The following PCDH12 variants were observed in gnomAD, a reference collection of about 807,000 sequenced individuals.
PCDH12 encodes protocadherin 12, also known as protocadherin-12.
PCDH12 carries 45 observed loss-of-function variants against 70.9 expected under a neutral mutation model. The observed-to-expected ratio is 0.63, with a 90% CI of 0.50 to 0.81. PCDH12 has a LOEUF of 0.81. Ranked by LOEUF, PCDH12 falls within the 40% of genes least tolerant of loss-of-function variation. The pLI is 0.00. For missense variants in PCDH12, 1,370 were observed against 1,491.7 expected, an observed-to-expected ratio of 0.92 and a Z score of 1.34; for synonymous variants, 567 against 626.0, an observed-to-expected ratio of 0.91 and a Z score of 1.41.
Position 141,944,583 on chromosome 5 carries a change from C to G in PCDH12, c.*798G>C, listed in dbSNP as rs1048692593. 1.3e-5 allele frequency: 2 copies of G among 152,160 alleles called. No individual in the cohort carries two copies. The highest frequency in any genetic ancestry group is 4.8e-5 in the African/African-American group (2 of 41,428). The allele number at this position is 152,160 out of a possible 1,614,324, so 9.4% of individuals were successfully genotyped here. On this transcript the variant is annotated 3_prime_UTR_variant, in exon 4 of 4. Coordinates refer to ENST00000231484, the MANE Select transcript of PCDH12 (RefSeq NM_016580.4). The stretch of plus-strand genomic sequence containing the variant: ...GCTCTGGCTCTACTCCCTGCTTGAT[C>G]TTGGGAAAGCCACTTGACCTCTCCA...
Position 141,956,937 on chromosome 5 carries a change from A to T in PCDH12, c.915T>A (p.Ile305=). The change falls in exon 1 of 4, where the codon ATT becomes ATA. Residue 305 remains isoleucine (I), a synonymous_variant. Coordinates refer to ENST00000231484, the MANE Select transcript of PCDH12 (RefSeq NM_016580.4). ...FSIDAKTGQV[I]LRRPLDYEKN... is the part of the protein sequence containing the mutation. The stretch of plus-strand genomic sequence containing the variant: ...TTTCATAGTCTAGAGGTCGACGCAG[A>T]ATGACCTGGCCTGTCTTGGCATCAA... The T allele has an allele frequency of 6.2e-7, 1 of 1,614,132 alleles. No homozygotes were observed. The highest frequency in any genetic ancestry group is 8.5e-7 in the Non-Finnish European group (1 of 1,180,018).
Position 141,947,857 on chromosome 5 carries a change from AC to A in PCDH12, c.3130+1574del, listed in dbSNP as rs1461988311. Among the ~76,000 whole-genome samples the A allele has an allele frequency of 2.0e-5, 3 of 151,302 alleles. No individual in the cohort carries two copies. In the East Asian group the frequency reaches 5.8e-4, roughly 29 times the overall value. The stretch of plus-strand genomic sequence containing the variant: ...TGCCCCTCCTCTTTCCTTACCCCCA[AC>A]TCCTTACAGTGCCCCTGTGTTCAGT... On this transcript the variant is annotated intron_variant, in intron 3 of 3. Coordinates refer to ENST00000231484, the MANE Select transcript of PCDH12 (RefSeq NM_016580.4).
chr5:141,957,343 T>G lies in PCDH12; in HGVS notation c.509A>C (p.His170Pro). 6.2e-7 allele frequency: 1 copy of G among 1,613,672 alleles called. No individual in the cohort carries two copies. The highest frequency in any genetic ancestry group is 8.5e-7 in the Non-Finnish European group (1 of 1,179,796). ...CTCACTGGGAGACAGAGTGTAGGTG[T>G]GCAGGGTGTTAGGGCCTGTGTCTGG... ...LDPDTGPNTL[H>P]TYTLSPSEHF... Residue 170 changes from histidine to proline, a missense_variant, in exon 1 of 4, where the codon CAC (histidine) becomes CCC (proline). Coordinates refer to ENST00000231484, the MANE Select transcript of PCDH12 (RefSeq NM_016580.4). This position sits in a 1 kb window ranked among gnomAD's most constrained non-coding sequence, Gnocchi z 4.3.
chr5:141,957,291 G>A lies in PCDH12; in HGVS notation c.561C>T (p.Gly187=). 1 of 1,613,484 alleles carries A rather than the reference G, an allele frequency of 6.2e-7. No homozygotes were observed. The highest frequency in any genetic ancestry group is 8.5e-7 in the Non-Finnish European group (1 of 1,179,676). The stretch of plus-strand genomic sequence containing the variant: ...GTTCTGCATGTTTGGTCTCATCAGG[G>A]CCCACAATGACATCCAAGGCAAAGT... The part of the protein sequence containing the change: ...SEHFALDVIV[G]PDETKHAELI... The change falls in exon 1 of 4, where the codon GGC becomes GGT. Residue 187 remains glycine (G), a synonymous_variant. Transcript: ENST00000231484. This position sits in a 1 kb window ranked among gnomAD's most constrained non-coding sequence, Gnocchi z 4.3.
chr5:141,954,570 G>A (rs1178844931), intron 1 of PCDH12, among the ~76,000 whole-genome samples: 1 of 152,226 alleles, frequency 6.6e-6, no homozygotes, highest in Non-Finnish European at 1.5e-5. Flanking sequence ...GAGCTAGGAA[G>A]AAGTGGAGCC....
chr5:141,955,147 C>T lies in PCDH12; in HGVS notation c.2705G>A (p.Arg902Lys). 6.2e-7 allele frequency: 1 copy of T among 1,614,206 alleles called. No individual in the cohort carries two copies. The highest frequency in any genetic ancestry group is 8.5e-7 in the Non-Finnish European group (1 of 1,180,034). The change falls in exon 1 of 4, where the codon AGG (arginine) becomes AAG (lysine). Residue 902 changes from arginine (R) to lysine (K), a missense_variant. Coordinates refer to ENST00000231484, the MANE Select transcript of PCDH12 (RefSeq NM_016580.4). The surrounding 1 kb of genome is among the most constrained non-coding windows in gnomAD (Gnocchi z 5.5). Reference sequence around the variant, plus strand: ...CAGGGTTGCAGAGGAGGCTGGTGGCCTCTGTGGGGCTTCCTCACTGCCCTG... The same window carrying T: ...CAGGGTTGCAGAGGAGGCTGGTGGCTTCTGTGGGGCTTCCTCACTGCCCTG... ...GDQGSEEAPQ[R>K]PPASSATLRR...
rs759067548 is a variant in PCDH12, at chr5:141,955,014, C to A, written c.2838G>T (p.Arg946=). 1.9e-6 allele frequency: 3 copies of A among 1,614,030 alleles called. No individual in the cohort carries two copies. The highest frequency in any genetic ancestry group is 2.7e-5 in the African/African-American group (2 of 74,950). The change falls in exon 1 of 4, where the codon CGG becomes CGT. Residue 946 remains arginine, a synonymous_variant. Coordinates refer to ENST00000231484, the MANE Select transcript of PCDH12 (RefSeq NM_016580.4). The surrounding 1 kb of genome is among the most constrained non-coding windows in gnomAD (Gnocchi z 5.5). ...CCACAGTGAGCTCCTCCACGGGGTT[C>A]CGCTCGGCGAAGGCAGCCACAGACA... ...VRLSVAAFAE[R]NPVEELTVDS... is the part of the protein sequence containing the mutation.
chr5:141,955,712 T>C lies in PCDH12; in HGVS notation c.2140A>G (p.Met714Val). The C allele has an allele frequency of 6.2e-7, 1 of 1,614,086 alleles. No homozygotes were observed. Among genetic ancestry groups the C allele is most frequent in the Non-Finnish European group, 8.5e-7 (1 of 1,179,994 alleles). ...DSARKPGALSMSMLTVICLAV... is the reference protein window; with the variant it reads ...DSARKPGALSVSMLTVICLAV... The stretch of plus-strand genomic sequence containing the variant: ...AGGCAGATCACCGTCAGCATCGACA[T>C]GCTCAAGGCCCCAGGCTTGCGGGCT... The change falls in exon 1 of 4, where the codon ATG (methionine) becomes GTG (valine). Residue 714 changes from methionine (M) to valine (V), a missense_variant. Transcript: ENST00000231484. The surrounding 1 kb of genome is among the most constrained non-coding windows in gnomAD (Gnocchi z 5.5).
intron 1 of PCDH12, among the ~76,000 whole-genome samples, chr5:141,952,108 G>T (rs1753095617): frequency 6.6e-6 from 1 of 152,144 alleles, no homozygotes; most frequent in Non-Finnish European, 1.5e-5. Flanking sequence ...TGCCAGGCAG[G>T]GTGGTTGCTA....
chr5:141,956,833 A>G lies in PCDH12; in HGVS notation c.1019T>C (p.Ile340Thr). ...NPIPAHCKVL[I>T]KVLDVNDNIP... is the part of the protein sequence containing the mutation. ...GTTGTCATTGACATCCAGAACCTTGATGAGAACTTTGCAATGGGCTGGGAT... is the reference window on the plus strand; with the variant it reads ...GTTGTCATTGACATCCAGAACCTTGGTGAGAACTTTGCAATGGGCTGGGAT... Residue 340 changes from isoleucine (I) to threonine (T), a missense_variant, in exon 1 of 4, where the codon ATC becomes ACC. By Grantham distance (89) the Ile-to-Thr change is moderately conservative. Transcript: ENST00000231484. 1.2e-6 allele frequency: 2 copies of G among 1,614,234 alleles called. No individual in the cohort carries two copies. Among genetic ancestry groups the G allele is most frequent in the South Asian group, 2.2e-5 (2 of 91,086 alleles).
chr5:141,951,346 G>T, intron 2 of PCDH12, 147 bp downstream of exon 2: 1 of 643,014 alleles, frequency 1.6e-6, no homozygotes, highest in East Asian at 2.7e-5. Flanking sequence ...AAAACTCCCA[G>T]GGTGGGAGGA....
At position 141,957,846 on chromosome 5, in the gene PCDH12, C is replaced by G; in HGVS notation, c.6G>C (p.Met2Ile). The G allele has an allele frequency of 1.3e-6, 2 of 1,597,446 alleles. No individual in the cohort carries two copies. The highest frequency in any genetic ancestry group is 2.2e-5 in the South Asian group (2 of 90,888). Reference protein sequence around the residue: MMQLLQLLLGLL... With the variant: MIQLLQLLLGLL... ...GCCCCAGCAGAAGTTGCAGAAGTTGCATCATGCTTACCGCCAAGTGGGCTA... is the reference window on the plus strand; with the variant it reads ...GCCCCAGCAGAAGTTGCAGAAGTTGGATCATGCTTACCGCCAAGTGGGCTA... Residue 2 changes from methionine to isoleucine, a missense_variant, in exon 1 of 4, where the codon ATG (methionine) becomes ATC (isoleucine). Transcript: ENST00000231484. This position sits in a 1 kb window ranked among gnomAD's most constrained non-coding sequence, Gnocchi z 4.3.
chr5:141,957,675 C>A lies in PCDH12; in HGVS notation c.177G>T (p.Arg59=), dbSNP rs1314027040. ...CCTGGAAGGCAGCCCCAGCTTGCCT[C>A]CGCCTCTCCTCCCGGCCCAGTTCCT... The part of the protein sequence containing the change: ...LSQELGREER[R]RQAGAAFQVL... The change falls in exon 1 of 4, where the codon CGG becomes CGT. Residue 59 remains arginine, a synonymous_variant. Transcript: ENST00000231484. The surrounding 1 kb of genome is among the most constrained non-coding windows in gnomAD (Gnocchi z 4.3). 9 of 1,614,084 alleles carry A rather than the reference C, an allele frequency of 5.6e-6. No homozygotes were observed. The highest frequency in any genetic ancestry group is 6.8e-6 in the Non-Finnish European group (8 of 1,180,038).
intron 2 of PCDH12, among the ~76,000 whole-genome samples, chr5:141,951,124 T>C (rs1483888052): frequency 6.6e-6 from 1 of 152,178 alleles, no homozygotes; most frequent in East Asian, 1.9e-4. Context: ...TGGGGAGCCT[T>C]CATATTATGT....
rs1752881448 is a variant in PCDH12 at position 141,945,370 on chromosome 5, C to CT, written c.*10dup. 1 of 1,598,338 alleles carries CT rather than the reference C, an allele frequency of 6.3e-7. No individual in the cohort carries two copies. Among genetic ancestry groups the CT allele is most frequent in the African/African-American group, 1.3e-5 (1 of 74,166 alleles). On this transcript the variant is annotated 3_prime_UTR_variant, in exon 4 of 4. Transcript: ENST00000231484. ...CCCTGGTTCTTGGATCCAGAGGCGT[C>CT]TGAGGTATGTTCACAGGCACCTGCT...
At chr5:141,949,821 A>G (rs547556824) in intron 2 of PCDH12, among the ~76,000 whole-genome samples, 20 of 152,282 alleles carry the variant, frequency 1.3e-4, no homozygotes, top group African/African-American at 4.6e-4. Flanking sequence ...GGGTAAAATG[A>G]GACGTTGTAG....
In PCDH12 at chr5:141,943,613, C is replaced by T. The variant is rs751980591; in HGVS notation, c.*1768G>A. 1.3e-5 allele frequency: 2 copies of T among 152,154 alleles called. No homozygotes were observed. The highest frequency in any genetic ancestry group is 2.9e-5 in the Non-Finnish European group (2 of 68,034). The allele number at this position is 152,154 out of a possible 1,614,324, so 9.4% of individuals were successfully genotyped here. On this transcript the variant is annotated 3_prime_UTR_variant, in exon 4 of 4. Transcript: ENST00000231484. ...AAGGGGCCTCTGAAGCATTTATTGA[C>T]ACATTTATTCATTCATACATCCATT...
intron 1 of PCDH12, among the ~76,000 whole-genome samples, chr5:141,951,828 T>G (rs1410915416): frequency 6.6e-6 from 1 of 152,252 alleles, no homozygotes; most frequent in Non-Finnish European, 1.5e-5. Flanking sequence ...AAGAGGACCC[T>G]CTGGGCCTGT....
rs1029907462 is a variant in PCDH12 at position 141,945,314 on chromosome 5, G to A, written c.*67C>T. 6.6e-7 allele frequency: 1 copy of A among 1,518,760 alleles called. No individual in the cohort carries two copies. Among genetic ancestry groups the A allele is most frequent in the African/African-American group, 1.4e-5 (1 of 71,826 alleles). The allele number at this position is 1,518,760 out of a possible 1,614,324, so 94.1% of individuals were successfully genotyped here. On this transcript the variant is annotated 3_prime_UTR_variant, in exon 4 of 4. Coordinates refer to ENST00000231484, the MANE Select transcript of PCDH12 (RefSeq NM_016580.4). The stretch of plus-strand genomic sequence containing the variant: ...CTAGCTAGTGAGTTACAAGATTTTA[G>A]AAACCAGCTCTTGTCCACAGATCCT...
Sources: gnomAD v4.1 joint callset for allele counts (sites outside exome capture counted in the v4.1 genomes callset) on GRCh38, gnomAD v4.1.1 for gene constraint, Gnocchi (gnomAD v3.1) non-coding constraint, MANE v1.5 for transcripts, NCBI Gene and HGNC (gene_info 2026-07-23, HGNC 2026-07-21) for gene names.